Variants in ZC3HAV1 observed in about 807,000 individuals in gnomAD.
The protein encoded by ZC3HAV1 is zinc finger CCCH-type containing, antiviral 1.
Under a neutral mutation model 86.6 loss-of-function variants are expected in ZC3HAV1, and 41 were observed. The ratio of observed to expected loss-of-function variants is 0.47; its 90% confidence interval spans 0.37 to 0.61. The LOEUF is 0.61. Ranked by LOEUF, ZC3HAV1 falls within the 20% of genes least tolerant of loss-of-function variation. The pLI is 0.00. For missense variants in ZC3HAV1, 964 were observed against 1,141.1 expected (o/e 0.84, Z 2.24); for synonymous variants, 421 against 432.1 (o/e 0.97, Z 0.32).
chr7:139,054,233 G>T, intron 10 of ZC3HAV1, 138 bp from the exon 11 acceptor site: 2 of 867,812 alleles, frequency 2.3e-6, no homozygotes, highest in Non-Finnish European at 3.3e-6. Context: ...CTGGCTTAGG[G>T]TTCCCACATC....
chr7:139,106,740 T>A (rs1817946501), intron 1 of ZC3HAV1, among the ~76,000 whole-genome samples: 1 of 151,946 alleles, frequency 6.6e-6, no homozygotes, highest in African/African-American at 2.4e-5. Context: ...AAAATTGTAA[T>A]TTTTTTTACA....
chr7:139,107,494 A>T (rs1454735041), intron 1 of ZC3HAV1, among the ~76,000 whole-genome samples: 1 of 152,156 alleles, frequency 6.6e-6, no homozygotes, highest in Non-Finnish European at 1.5e-5. Context: ...AGTTTTTGTT[A>T]GGTGCGTGAT....
intron 1 of ZC3HAV1, among the ~76,000 whole-genome samples, chr7:139,106,426 A>C (rs762095156): frequency 6.6e-6 from 1 of 152,160 alleles, no homozygotes; most frequent in Non-Finnish European, 1.5e-5. Flanking sequence ...CGGCCTGGCC[A>C]ACATCGCGAA....
chr7:139,060,570 G>A (rs1327049113), intron 9 of ZC3HAV1: 2 of 1,004,108 alleles, frequency 2.0e-6, no homozygotes, highest in Non-Finnish European at 2.4e-6. Context: ...GCCAGGCACG[G>A]TGGCTCATGC....
chr7:139,104,443 G>A (rs555893101), intron 1 of ZC3HAV1, among the ~76,000 whole-genome samples: 1 of 152,330 alleles, frequency 6.6e-6, no homozygotes, highest in East Asian at 1.9e-4. Context: ...GCCGGGCGCG[G>A]TGGCTCACGC....
Position 139,079,597 on chromosome 7 carries a change from T to G in ZC3HAV1, c.1344A>C (p.Lys448Asn). Residue 448 changes from lysine (K) to asparagine (N), a missense_variant, in exon 4 of 13, where the codon AAA (lysine) becomes AAC (asparagine). By Grantham distance (94) the Lys-to-Asn change is moderately conservative. Transcript: ENST00000242351. ...TTTCTCTGTGACCGCTGCTAGTGCT[T>G]TTGTAATTTAAGGATCTGGTAGAAG... ...DITSTRSLNY[K>N]STSSGHREIS... 6.2e-7 allele frequency: 1 copy of G among 1,614,090 alleles called. No individual in the cohort carries two copies. The highest frequency in any genetic ancestry group is 8.5e-7 in the Non-Finnish European group (1 of 1,180,016).
In ZC3HAV1 at chr7:139,109,285, G is replaced by A. The variant is rs1297444580; in HGVS notation, c.47C>T (p.Ala16Val). The change falls in exon 1 of 13, where the codon GCC (alanine) becomes GTC (valine). Residue 16 changes from alanine to valine, a missense_variant. Transcript: ENST00000242351. ...VCCFITKILCAHGGRMALDAL... is the reference protein window; with the variant it reads ...VCCFITKILCVHGGRMALDAL... ...GTCCAGGGCCATGCGGCCCCCGTGG[G>A]CGCACAGGATTTTGGTGATGAAGCA... 2 of 1,610,926 alleles carry A rather than the reference G, an allele frequency of 1.2e-6. No individual in the cohort carries two copies. The highest frequency in any genetic ancestry group is 1.7e-6 in the Non-Finnish European group (2 of 1,179,248).
intron 8 of ZC3HAV1, among the ~76,000 whole-genome samples, chr7:139,063,864 A>C (rs1816521497): frequency 6.6e-6 from 1 of 152,034 alleles, no homozygotes; most frequent in Non-Finnish European, 1.5e-5. Flanking sequence ...TAATTTATTT[A>C]GTCACCACTG....
intron 8 of ZC3HAV1, among the ~76,000 whole-genome samples, chr7:139,064,491 G>A (rs1816540012): frequency 6.6e-6 from 1 of 152,166 alleles, no homozygotes; most frequent in Non-Finnish European, 1.5e-5. Context: ...AACTCTGAAG[G>A]TGCCCAAAAG....
intron 6 of ZC3HAV1, among the ~76,000 whole-genome samples, chr7:139,075,078 G>C (rs568284819): frequency 1.7e-3 from 170 of 101,382 alleles, no homozygotes; most frequent in African/African-American, 6.4e-3. Flanking sequence ...GGGCTGGTGG[G>C]GGGGTGGTGC....
chr7:139,074,955 A>T (rs1480733872), intron 6 of ZC3HAV1, among the ~76,000 whole-genome samples: 1 of 152,176 alleles, frequency 6.6e-6, no homozygotes, highest in African/African-American at 2.4e-5. Context: ...AAAGTTTGAG[A>T]ATTGCTGCTC....
At position 139,047,423 on chromosome 7, in the gene ZC3HAV1, T is replaced by A; in HGVS notation, c.*171A>T. 5 of 838,126 alleles carry A rather than the reference T, an allele frequency of 6.0e-6. No homozygotes were observed. The South Asian group carries it at 8.6e-5, about 14-fold the overall frequency. The allele number at this position is 838,126 out of a possible 1,614,324, so 51.9% of individuals were successfully genotyped here. Reference sequence around the variant, plus strand: ...GGTGCAACCTGGGCATCAGAATTTGTTTAAAACCTCCCAGATGATTCTAAT... The same window carrying A: ...GGTGCAACCTGGGCATCAGAATTTGATTAAAACCTCCCAGATGATTCTAAT... On this transcript the variant is annotated 3_prime_UTR_variant, in exon 13 of 13. Coordinates refer to ENST00000242351, the MANE Select transcript of ZC3HAV1 (RefSeq NM_020119.4).
chr7:139,087,082 A>T (rs1817291120), intron 2 of ZC3HAV1, among the ~76,000 whole-genome samples: 1 of 152,230 alleles, frequency 6.6e-6, no homozygotes, highest in Admixed American at 6.5e-5. Context: ...CAGCGATCAG[A>T]CATGATGAAT....
At chr7:139,101,056 G>C (rs2130735824) in intron 1 of ZC3HAV1, among the ~76,000 whole-genome samples, 1 of 152,324 alleles carries the variant, frequency 6.6e-6, no homozygotes, top group South Asian at 2.1e-4. Context: ...TGTTGGCCGG[G>C]CTGGTCTCCA....
chr7:139,085,748 C>T (rs1381548470), intron 2 of ZC3HAV1, among the ~76,000 whole-genome samples: 1 of 152,128 alleles, frequency 6.6e-6, no homozygotes, highest in African/African-American at 2.4e-5. Flanking sequence ...CATGGTGGCT[C>T]ACACCTGTAA....
At chr7:139,057,063 G>A (rs1816304974) in intron 9 of ZC3HAV1, among the ~76,000 whole-genome samples, 1 of 152,012 alleles carries the variant, frequency 6.6e-6, no homozygotes, top group Non-Finnish European at 1.5e-5. Flanking sequence ...AAGAAAAAAA[G>A]TTAGGCCAGG....
intron 8 of ZC3HAV1, 92 bp downstream of exon 8, chr7:139,064,787 A>G (rs1816548368): frequency 6.3e-7 from 1 of 1,591,550 alleles, no homozygotes; most frequent in East Asian, 2.2e-5. Flanking sequence ...GACCCTGGCC[A>G]TAGCAATGCA....
rs1816556699 is a variant in ZC3HAV1, at chr7:139,065,012, A to G, written c.1873-13T>C. ...TCCGTTTGTCTTTCTAATTGGAAAA[A>G]AAATAAAAGGTAAAGTCAGGGTAGG... On this transcript the variant is annotated splice_polypyrimidine_tract_variant and intron_variant, in intron 7 of 12. Coordinates refer to ENST00000242351, the MANE Select transcript of ZC3HAV1 (RefSeq NM_020119.4). 4 of 1,613,732 alleles carry G rather than the reference A, an allele frequency of 2.5e-6. No individual in the cohort carries two copies. Among genetic ancestry groups the G allele is most frequent in the African/African-American group, 1.3e-5 (1 of 74,884 alleles).
chr7:139,057,586 T>G (rs1816323577), intron 9 of ZC3HAV1, among the ~76,000 whole-genome samples: 1 of 20,642 alleles, frequency 4.8e-5, no homozygotes, highest in Non-Finnish European at 8.7e-5. Flanking sequence ...TTGCCCAGGC[T>G]GGAGTGCAGT....
Sources: gnomAD v4.1 joint callset for allele counts (sites outside exome capture counted in the v4.1 genomes callset) on GRCh38, gnomAD v4.1.1 for gene constraint, MANE v1.5 for transcripts, NCBI Gene and HGNC (gene_info 2026-07-23, HGNC 2026-07-21) for gene names.